The following ZNF670 variants were observed in gnomAD, a reference collection of about 807,000 sequenced individuals.
The protein encoded by ZNF670 is zinc finger protein 670.
ZNF670 carries 7 observed loss-of-function variants against 10.9 expected under a neutral mutation model. That is an observed-to-expected ratio of 0.64 (90% CI 0.36 to 1.20). The LOEUF (loss-of-function observed/expected upper bound fraction) is 1.20. Among genes scored for constraint, ZNF670 ranks in the 50% most tolerant of loss-of-function variants. The pLI, the probability that ZNF670 is intolerant of heterozygous loss-of-function variation, is 0.02. For missense variants in ZNF670, 446 were observed against 458.6 expected (o/e 0.97, Z 0.25); for synonymous variants, 136 against 152.7 (o/e 0.89, Z 0.81).
chr1:247,072,921 T>C (rs1179706592), intron 1 of ZNF670, among the ~76,000 whole-genome samples: 1 of 147,528 alleles, frequency 6.8e-6, no homozygotes, highest in Non-Finnish European at 1.5e-5. Context: ...ATTAAGCTAC[T>C]AAAAACTCAA....
intron 1 of ZNF670, among the ~76,000 whole-genome samples, chr1:247,066,663 C>T (rs1327360679): frequency 1.3e-5 from 2 of 152,172 alleles, no homozygotes; most frequent in South Asian, 2.1e-4. Flanking sequence ...CTTCAGGCCA[C>T]GATGGGAAGA....
chr1:247,057,839 C>A (rs1670756134), intron 1 of ZNF670, among the ~76,000 whole-genome samples: 1 of 151,638 alleles, frequency 6.6e-6, no homozygotes, highest in South Asian at 2.1e-4. Flanking sequence ...AGGGTGGGAA[C>A]AATAGTGGAG....
At chr1:247,063,608 AT>A (rs1240075207) in intron 1 of ZNF670, among the ~76,000 whole-genome samples, 1 of 148,356 alleles carries the variant, frequency 6.7e-6, no homozygotes, top group Non-Finnish European at 1.5e-5. Context: ...GGAAACTGGA[AT>A]TTGGGGAATT....
chr1:247,078,029 A>G (rs1265147883), intron 1 of ZNF670, among the ~76,000 whole-genome samples: 3 of 152,204 alleles, frequency 2.0e-5, no homozygotes, highest in Non-Finnish European at 2.9e-5. Context: ...CATAACCAGG[A>G]GATATCTGGC....
intron 1 of ZNF670, among the ~76,000 whole-genome samples, chr1:247,052,540 GT>G (rs956299604): frequency 4.6e-5 from 7 of 150,792 alleles, no homozygotes; most frequent in Admixed American, 1.3e-4. Flanking sequence ...AGTTTTTTGG[GT>G]TTTTTTTTCG....
intron 1 of ZNF670, among the ~76,000 whole-genome samples, chr1:247,072,817 T>TGC (rs1233249996): frequency 2.1e-5 from 1 of 48,034 alleles, no homozygotes; most frequent in Non-Finnish European, 4.0e-5. Flanking sequence ...TATATATATA[T>TGC]ATATATATAT....
At chr1:247,070,013 C>A (rs1336337056) in intron 1 of ZNF670, among the ~76,000 whole-genome samples, 31 of 152,076 alleles carry the variant, frequency 2.0e-4, no homozygotes, top group Admixed American at 2.0e-3. Flanking sequence ...ATTTGTAATA[C>A]AAAGGGTAAA....
At chr1:247,040,738 G>A (rs1378747398) in intron 1 of ZNF670, among the ~76,000 whole-genome samples, 3 of 151,958 alleles carry the variant, frequency 2.0e-5, no homozygotes, top group Admixed American at 1.3e-4. Flanking sequence ...TGTTGCCCGG[G>A]CTGGAGTGCA....
intron 1 of ZNF670, among the ~76,000 whole-genome samples, chr1:247,071,441 G>C (rs1572573254): frequency 6.6e-6 from 1 of 152,186 alleles, no homozygotes; most frequent in Non-Finnish European, 1.5e-5. Context: ...CAGACACAAA[G>C]AGTTAAATAA....
intron 1 of ZNF670, among the ~76,000 whole-genome samples, chr1:247,048,006 T>A (rs1265139905): frequency 1.3e-5 from 2 of 152,206 alleles, no homozygotes; most frequent in African/African-American, 4.8e-5. Context: ...AACATTTGGC[T>A]CCTCATTACT....
intron 1 of ZNF670, among the ~76,000 whole-genome samples, chr1:247,078,291 AACCCCAAGTCG>A (rs1671300056): frequency 6.6e-6 from 1 of 152,208 alleles, no homozygotes; most frequent in Non-Finnish European, 1.5e-5. Context: ...AGGAACCCCG[AACCCCAAGTCG>A]GGACTCTCCC....
At chr1:247,068,163 C>A (rs544543769) in intron 1 of ZNF670, among the ~76,000 whole-genome samples, 1 of 149,780 alleles carries the variant, frequency 6.7e-6, no homozygotes, top group Non-Finnish European at 1.5e-5. Context: ...ACTAAAGATA[C>A]AAAAATTGGC....
chr1:247,042,407 T>C (rs148043505), intron 1 of ZNF670, among the ~76,000 whole-genome samples: 1 of 152,200 alleles, frequency 6.6e-6, no homozygotes, highest in African/African-American at 2.4e-5. Context: ...TTGGAAAGGG[T>C]AGGAAATTAT....
rs746521640 is a variant in ZNF670 at position 247,078,646 on chromosome 1, GCAGGTCCCAGAGCA to G, written c.-64_-51del. 6.2e-6 allele frequency: 10 copies of G among 1,608,854 alleles called. No homozygotes were observed. The South Asian group carries it at 8.8e-5, about 14-fold the overall frequency. On this transcript the variant is annotated 5_prime_UTR_variant, in exon 1 of 4. The change abolishes the stop of an existing upstream ORF in the 5' untranslated region. Coordinates refer to ENST00000366503, the MANE Select transcript of ZNF670 (RefSeq NM_033213.5). ...CCTCCCTAAGGACCTTCCGGGACCT[GCAGGTCCCAGAGCA>G]ACAGAAGCTGCCGCGGGACCACTTG...
At chr1:247,050,865 C>T (rs7549410) in intron 1 of ZNF670, among the ~76,000 whole-genome samples, 49,599 of 151,880 alleles carry the variant, frequency 0.33, 8,920 homozygotes, top group African/African-American at 0.46. Flanking sequence ...TGTAAGGTAC[C>T]CTTCTATTAA....
chr1:247,054,040 A>G (rs1221547713), intron 1 of ZNF670, among the ~76,000 whole-genome samples: 4 of 152,250 alleles, frequency 2.6e-5, no homozygotes, highest in Non-Finnish European at 5.9e-5. Flanking sequence ...GGTAGAGTAC[A>G]GCAATTGTGC....
intron 1 of ZNF670, among the ~76,000 whole-genome samples, chr1:247,050,480 C>CTTT (rs35338939): frequency 4.2e-5 from 6 of 142,738 alleles, no homozygotes; most frequent in Non-Finnish European, 9.1e-5. Context: ...TTCTTTTCTT[C>CTTT]TTTTTTTTTT....
At chr1:247,074,625 T>C (rs938786686) in intron 1 of ZNF670, among the ~76,000 whole-genome samples, 2 of 152,098 alleles carry the variant, frequency 1.3e-5, no homozygotes, top group African/African-American at 4.8e-5. Context: ...ATGGTGGGGA[T>C]AGTTTTGGGA....
Sources: allele counts gnomAD v4.1 joint callset (sites outside exome capture counted in the v4.1 genomes callset), GRCh38; gene constraint gnomAD v4.1.1; transcripts MANE v1.5; gene names NCBI Gene and HGNC (gene_info 2026-07-23, HGNC 2026-07-21).